Variants in CPEB3 observed in about 807,000 individuals in gnomAD.
CPEB3 encodes the protein cytoplasmic polyadenylation element-binding protein 3.
A neutral mutation model predicts 67.2 loss-of-function variants in CPEB3; 20 were observed. The ratio of observed to expected loss-of-function variants is 0.30; its 90% CI spans 0.21 to 0.43. CPEB3 has a LOEUF of 0.43. Among genes scored for constraint, CPEB3 ranks in the 20% least tolerant of loss-of-function variants. CPEB3 has a pLI of 1.00. For missense variants in CPEB3, 746 were observed against 968.6 expected (o/e 0.77, Z 3.05); for synonymous variants, 376 against 393.1 (o/e 0.96, Z 0.51).
At chr10:92,100,009 T>C (rs1293774039) in intron 7 of CPEB3, among the ~76,000 whole-genome samples, 1 of 151,752 alleles carries the variant, frequency 6.6e-6, no homozygotes, top group African/African-American at 2.4e-5. Context: ...ATGAAAACCT[T>C]TTCAAAATTA....
chr10:92,120,770 G>A (rs868333755), intron 6 of CPEB3, among the ~76,000 whole-genome samples: 5 of 151,600 alleles, frequency 3.3e-5, no homozygotes, highest in Middle Eastern at 3.4e-3. Flanking sequence ...GCATGATCTC[G>A]GCTCACTGCA....
intron 9 of CPEB3, among the ~76,000 whole-genome samples, chr10:92,058,954 T>C (rs1022971545): frequency 2.0e-5 from 3 of 152,106 alleles, no homozygotes; most frequent in African/African-American, 4.8e-5. Context: ...TTCAAAAAAA[T>C]TGAAATAATA....
rs919636900 is a variant in CPEB3, at chr10:92,137,509, G to A, written c.1453+5520C>T. ...GCTATCAGCCACAAGGCCTTCTGATGTGCTTGAGGTGACCAAGAAGTTCAT... is the reference window on the plus strand; with the variant it reads ...GCTATCAGCCACAAGGCCTTCTGATATGCTTGAGGTGACCAAGAAGTTCAT... On this transcript the variant is annotated intron_variant, in intron 6 of 9. Transcript: ENST00000265997. 10 of 949,188 alleles carry A rather than the reference G, an allele frequency of 1.1e-5. No homozygotes were observed. In the African/African-American group the frequency reaches 1.6e-4, roughly 15 times the overall value. The allele number at this position is 949,188 out of a possible 1,614,324, so 58.8% of individuals were successfully genotyped here.
At chr10:92,119,064 G>A in intron 6 of CPEB3, 1 of 1,571,816 alleles carries the variant, frequency 6.4e-7, no homozygotes, top group Admixed American at 1.7e-5. Flanking sequence ...CACTTGATGT[G>A]AGACCTAGGA....
chr10:92,267,888 G>A lies in CPEB3; in HGVS notation c.-12+23038C>T, dbSNP rs566507322. 7.3e-4 allele frequency among the ~76,000 whole-genome samples: 111 copies of A among 152,208 alleles called. 1 individual carries two copies. Among genetic ancestry groups the A allele is most frequent in the Admixed American group, 1.6e-3 (25 of 15,276 alleles). On this transcript the variant is annotated intron_variant, in intron 1 of 9. Coordinates refer to ENST00000265997, the MANE Select transcript of CPEB3 (RefSeq NM_014912.5). ...GGATGGACTGCAGTGGCACGATCTC[G>A]GCTCACTGCCGCCTCCGCCTCCCGG...
At chr10:92,098,555 T>C (rs567737511) in intron 7 of CPEB3, among the ~76,000 whole-genome samples, 164 of 152,216 alleles carry the variant, frequency 1.1e-3, no homozygotes, top group Non-Finnish European at 1.6e-3. Context: ...ACCACCTCAG[T>C]GTGAAGTTTT....
chr10:92,069,550 C>T (rs572006020), intron 9 of CPEB3, among the ~76,000 whole-genome samples: 5 of 152,058 alleles, frequency 3.3e-5, no homozygotes, highest in Admixed American at 1.3e-4. Flanking sequence ...ATTATAGGCA[C>T]GTACCACTAC....
chr10:92,116,176 T>C (rs1845016385), intron 6 of CPEB3, among the ~76,000 whole-genome samples: 1 of 150,756 alleles, frequency 6.6e-6, no homozygotes, highest in African/African-American at 2.5e-5. Context: ...CTTATGTTAA[T>C]ATTCAATAAG....
chr10:92,275,748 A>C (rs1486140547), intron 1 of CPEB3, among the ~76,000 whole-genome samples: 1 of 152,052 alleles, frequency 6.6e-6, no homozygotes, highest in Admixed American at 6.6e-5. Context: ...CCTAGGAATT[A>C]TAGAATATGT....
intron 4 of CPEB3, among the ~76,000 whole-genome samples, chr10:92,173,111 A>G (rs894681942): frequency 1.3e-5 from 2 of 152,234 alleles, no homozygotes; most frequent in African/African-American, 4.8e-5. Flanking sequence ...AACTGTGAAT[A>G]AAAGCTAGTC....
chr10:92,106,645 T>C (rs1482576845), intron 7 of CPEB3, among the ~76,000 whole-genome samples: 1 of 150,652 alleles, frequency 6.6e-6, no homozygotes, highest in Non-Finnish European at 1.5e-5. Context: ...TGAAACCCCG[T>C]CTCTACTAAA....
chr10:92,092,150 C>T (rs1490193359), intron 7 of CPEB3, among the ~76,000 whole-genome samples: 1 of 152,186 alleles, frequency 6.6e-6, no homozygotes, highest in Non-Finnish European at 1.5e-5. Flanking sequence ...GTACTCAGCA[C>T]TCTAGACATA....
At chr10:92,148,752 C>A (rs1846812684) in intron 4 of CPEB3, among the ~76,000 whole-genome samples, 1 of 152,128 alleles carries the variant, frequency 6.6e-6, no homozygotes, top group Admixed American at 6.5e-5. Context: ...AAACACAATA[C>A]ACAGGTGTGA....
intron 7 of CPEB3, among the ~76,000 whole-genome samples, chr10:92,097,905 T>C (rs576037606): frequency 1.3e-5 from 2 of 152,122 alleles, no homozygotes; most frequent in South Asian, 2.1e-4. Flanking sequence ...CTCACACCTG[T>C]AATCCCAGCA....
At chr10:92,197,875 G>A (rs544624413) in intron 2 of CPEB3, among the ~76,000 whole-genome samples, 6 of 152,282 alleles carry the variant, frequency 3.9e-5, no homozygotes, top group South Asian at 2.1e-4. Context: ...TTGGGAGGCC[G>A]AGGTGGGCAG....
chr10:92,203,399 CG>C (rs1849616011), intron 2 of CPEB3, among the ~76,000 whole-genome samples: 2 of 123,384 alleles, frequency 1.6e-5, no homozygotes, highest in African/African-American at 3.0e-5. Context: ...TATATATATA[CG>C]TATATATATG....
intron 9 of CPEB3, among the ~76,000 whole-genome samples, chr10:92,073,236 A>G (rs12356621): frequency 1.3e-5 from 2 of 151,604 alleles, no homozygotes; most frequent in African/African-American, 4.8e-5. Flanking sequence ...ACTGGGCCTC[A>G]CTATATTGTC....
chr10:92,152,964 T>C (rs1847032628), intron 4 of CPEB3, among the ~76,000 whole-genome samples: 2 of 152,176 alleles, frequency 1.3e-5, no homozygotes, highest in African/African-American at 2.4e-5. Flanking sequence ...TCCTTCAGTC[T>C]TTCTTTTGGC....
At chr10:92,098,152 A>C (rs970505704) in intron 7 of CPEB3, among the ~76,000 whole-genome samples, 3 of 106,710 alleles carry the variant, frequency 2.8e-5, no homozygotes, top group Admixed American at 1.3e-4. Flanking sequence ...CAAGAGTGAC[A>C]CTCTGCCTAA....
Sources: allele counts gnomAD v4.1 joint callset (sites outside exome capture counted in the v4.1 genomes callset), GRCh38; gene constraint gnomAD v4.1.1; transcripts MANE v1.5; gene names NCBI Gene and HGNC (gene_info 2026-07-23, HGNC 2026-07-21).